The following PCLO variants were observed in gnomAD, a reference collection of about 807,000 sequenced individuals.
PCLO encodes the protein piccolo presynaptic cytomatrix protein.
In PCLO, 82 loss-of-function variants were observed where a neutral mutation model predicts 427.5. That is an observed-to-expected ratio of 0.19 (90% CI 0.16 to 0.23). The LOEUF is 0.23. PCLO is among the 10% of genes least tolerant of loss of function. The pLI, the probability that PCLO is intolerant of heterozygous loss-of-function variation, is 1.00. For synonymous variants in PCLO, 2,357 were observed against 2,155.4 expected, an observed-to-expected ratio of 1.09 and a Z score of -2.59; for missense variants, 6,239 against 6,115.9, an observed-to-expected ratio of 1.02 and a Z score of -0.67.
chr7:82,906,523 T>C (rs1794196029), intron 8 of PCLO, among the ~76,000 whole-genome samples: 1 of 152,090 alleles, frequency 6.6e-6, no homozygotes, highest in Admixed American at 6.6e-5. Flanking sequence ...GAATTTTATA[T>C]AATTCAACTT....
At chr7:82,860,544 C>T (rs992574532) in intron 10 of PCLO, among the ~76,000 whole-genome samples, 2 of 151,958 alleles carry the variant, frequency 1.3e-5, no homozygotes, top group Non-Finnish European at 2.9e-5. Flanking sequence ...AGCTGTCCTA[C>T]AAGAGATGCT....
At chr7:83,118,440 A>G (rs1295801489) in intron 3 of PCLO, among the ~76,000 whole-genome samples, 1 of 152,134 alleles carries the variant, frequency 6.6e-6, no homozygotes, top group East Asian at 1.9e-4. Flanking sequence ...AAAGAGGCAC[A>G]GAAGAGGGTA....
At position 82,756,917 on chromosome 7, in the gene PCLO, G is replaced by T; in HGVS notation, c.*1658C>A. ...TGGCTAATTTACTGCTTTTATCCAT[G>T]TCAATCCTTGCCATTGGTTTAGATG... is the stretch of plus-strand genomic sequence containing the variant. On this transcript the variant is annotated 3_prime_UTR_variant, in exon 25 of 25. Transcript: ENST00000333891. 6.6e-6 allele frequency: 1 copy of T among 151,958 alleles called. No individual in the cohort carries two copies. The highest frequency in any genetic ancestry group is 1.5e-5 in the Non-Finnish European group (1 of 67,954). The allele number at this position is 151,958 out of a possible 1,614,324, so 9.4% of individuals were successfully genotyped here.
At chr7:82,843,344 TA>T (rs1792414702) in intron 13 of PCLO, among the ~76,000 whole-genome samples, 1 of 152,120 alleles carries the variant, frequency 6.6e-6, no homozygotes, top group Admixed American at 6.6e-5. Context: ...ATGTGGAATC[TA>T]ACAAAGTTGA....
At chr7:83,139,838 G>C (rs997337708) in intron 2 of PCLO, among the ~76,000 whole-genome samples, 1 of 152,208 alleles carries the variant, frequency 6.6e-6, no homozygotes, top group Admixed American at 6.5e-5. Context: ...ATCCTCTTAG[G>C]ATTTTTTAGA....
At chr7:82,967,878 A>C (rs567823504) in intron 3 of PCLO, among the ~76,000 whole-genome samples, 2 of 152,310 alleles carry the variant, frequency 1.3e-5, no homozygotes, top group South Asian at 4.1e-4. Flanking sequence ...ACAGGGTTAG[A>C]GTGTCATACA....
In PCLO at chr7:83,162,808, G is replaced by T; in HGVS notation, c.-216C>A. ...CGCTGCCGGTGCCTCCTCCATGTTG[G>T]ACAGCGCCAGGCAACCTTTGCAGAA... On this transcript the variant is annotated 5_prime_UTR_variant, in exon 1 of 25. Coordinates refer to ENST00000333891, the MANE Select transcript of PCLO (RefSeq NM_033026.6). 1.6e-6 allele frequency: 1 copy of T among 608,002 alleles called. No homozygotes were observed. Among genetic ancestry groups the T allele is most frequent in the Non-Finnish European group, 2.8e-6 (1 of 359,426 alleles). The allele number at this position is 608,002 out of a possible 1,614,324, so 37.7% of individuals were successfully genotyped here.
At chr7:82,832,480 C>T (rs939124672) in intron 16 of PCLO, among the ~76,000 whole-genome samples, 20 of 151,992 alleles carry the variant, frequency 1.3e-4, no homozygotes, top group Admixed American at 3.3e-4. Flanking sequence ...GTCTTGATCT[C>T]CTGACCCCAT....
Position 83,135,367 on chromosome 7 carries a change from G to A in PCLO, c.2183C>T (p.Ser728Phe). 6.2e-7 allele frequency: 1 copy of A among 1,613,992 alleles called. No homozygotes were observed. Among genetic ancestry groups the A allele is most frequent in the Non-Finnish European group, 8.5e-7 (1 of 1,179,886 alleles). ...TTTGGGAGGGGCTGGCTTGGACAAA[G>A]AATCTGCCTCAGGGGGCTGCTTGGC... ...AKAKQPPEAD[S>F]LSKPAPPKEP... The change falls in exon 3 of 25, where the codon TCT becomes TTT. Residue 728 changes from serine to phenylalanine, a missense_variant. Physicochemically the swap from Ser to Phe is radical, Grantham distance 155 (BLOSUM62 -2). Around this residue, in one of 5 missense-constraint regions of PCLO, gnomAD observed 4,677 missense variants for 4,468.4 expected, o/e 1.05. Transcript: ENST00000333891.
chr7:83,021,481 T>C (rs1362132720), intron 3 of PCLO, among the ~76,000 whole-genome samples: 3 of 151,480 alleles, frequency 2.0e-5, no homozygotes, highest in Non-Finnish European at 4.4e-5. Context: ...AGATAAAAGG[T>C]TTTTTTTTAA....
Position 82,851,768 on chromosome 7 carries a change from C to T in PCLO, c.13655-4521G>A, listed in dbSNP as rs550895316. ...GGAGTCTTCTATAAAGCGCTAGCAG[C>T]AGCAGCAAAAGATCAGCTGAACATG... On this transcript the variant is annotated intron_variant, in intron 10 of 24. Transcript: ENST00000333891. Among the ~76,000 whole-genome samples, 10 of 152,240 alleles carry T rather than the reference C, an allele frequency of 6.6e-5. No individual in the cohort carries two copies. In the South Asian group the frequency reaches 2.1e-3, roughly 32 times the overall value.
At chr7:83,115,424 A>G (rs1791107009) in intron 3 of PCLO, among the ~76,000 whole-genome samples, 1 of 152,082 alleles carries the variant, frequency 6.6e-6, no homozygotes, top group African/African-American at 2.4e-5. Flanking sequence ...TAAATAATAT[A>G]AGTCTAATTT....
chr7:83,079,435 T>C (rs531142968), intron 3 of PCLO, among the ~76,000 whole-genome samples: 2 of 151,350 alleles, frequency 1.3e-5, no homozygotes, highest in South Asian at 2.1e-4. Context: ...GCTGGAACCA[T>C]TGAGGGGGAG....
At chr7:83,015,269 A>G (rs1204847142) in intron 3 of PCLO, among the ~76,000 whole-genome samples, 1 of 152,008 alleles carries the variant, frequency 6.6e-6, no homozygotes, top group African/African-American at 2.4e-5. Context: ...TAAATGTCTC[A>G]ACAGTTCTGG....
Position 83,134,900 on chromosome 7 carries a change from T to C in PCLO, c.2650A>G (p.Thr884Ala), listed in dbSNP as rs1584070946. The C allele has an allele frequency of 1.2e-6, 2 of 1,602,318 alleles. No homozygotes were observed. Among genetic ancestry groups the C allele is most frequent in the African/African-American group, 2.7e-5 (2 of 74,490 alleles). Residue 884 changes from threonine to alanine, a missense_variant, in exon 3 of 25, where the codon ACC becomes GCC. By Grantham distance (58) the Thr-to-Ala change is moderately conservative. This residue lies in a region of PCLO where 4,677 missense variants were observed against 4,468.4 expected (regional missense o/e 1.05). Transcript: ENST00000333891. ...GGTGTGGGGACAGTTTGGCCAGCGG[T>C]AGGTCGTGGGCCAGGGGGTGTTGGT... Reference protein sequence around the residue: ...GSPTPPGPRPTAGQTVPTPQQ... With the variant: ...GSPTPPGPRPAAGQTVPTPQQ...
At chr7:82,998,298 A>C (rs1583886971) in intron 3 of PCLO, among the ~76,000 whole-genome samples, 1 of 151,686 alleles carries the variant, frequency 6.6e-6, no homozygotes, top group Admixed American at 6.6e-5. Context: ...TTGGGGAAAA[A>C]CCCTCTCATG....
chr7:82,847,001 T>C (rs747159286), intron 11 of PCLO, 138 bp downstream of exon 11: 4 of 592,652 alleles, frequency 6.7e-6, no homozygotes, highest in Non-Finnish European at 8.9e-6. Flanking sequence ...ATTCTTTCTA[T>C]GCTTTAGGCT....
chr7:83,108,189 T>C (rs972974052), intron 3 of PCLO, among the ~76,000 whole-genome samples: 4 of 152,072 alleles, frequency 2.6e-5, no homozygotes, highest in Non-Finnish European at 4.4e-5. Flanking sequence ...TAAGAATACA[T>C]TGACTTGAGA....
intron 22 of PCLO, among the ~76,000 whole-genome samples, chr7:82,785,671 G>A (rs151160375): frequency 8.5e-5 from 13 of 152,134 alleles, no homozygotes; most frequent in South Asian, 2.1e-4. Context: ...GATGGAGAGC[G>A]CCCACAGATA....
Sources: allele counts gnomAD v4.1 joint callset (sites outside exome capture counted in the v4.1 genomes callset), GRCh38; gene constraint gnomAD v4.1.1; regional missense constraint gnomAD v4.1.1; transcripts MANE v1.5; gene names NCBI Gene and HGNC (gene_info 2026-07-23, HGNC 2026-07-21).